Variants in TTC28 observed in about 807,000 individuals in gnomAD.
The protein encoded by TTC28 is tetratricopeptide repeat domain 28.
TTC28 carries 61 observed loss-of-function variants against 198.0 expected under a neutral mutation model. The ratio of observed to expected loss-of-function variants is 0.31; its 90% confidence interval spans 0.25 to 0.38. TTC28 has a LOEUF of 0.38. Among genes scored for constraint, TTC28 ranks in the 10% least tolerant of loss-of-function variants. TTC28 has a pLI of 1.00. For synonymous variants in TTC28, 1,171 were observed against 1,297.8 expected (o/e 0.90, Z 2.10); for missense variants, 2,678 against 3,164.0 (o/e 0.85, Z 3.69).
rs548321858 is a variant in TTC28, at chr22:28,095,172, T to G, written c.3767-927A>C. Among the ~76,000 whole-genome samples the G allele has an allele frequency of 2.0e-5, 3 of 152,288 alleles. No individual in the cohort carries two copies. The South Asian group carries it at 6.2e-4, about 32-fold the overall frequency. On this transcript the variant is annotated intron_variant, in intron 11 of 22. Coordinates refer to ENST00000397906, the MANE Select transcript of TTC28 (RefSeq NM_001145418.2). Reference sequence around the variant, plus strand: ...AGATTCCACTGTAGCCAACATTTATTAACCAAGTCACTGTAAAAATCACAA... The same window carrying G: ...AGATTCCACTGTAGCCAACATTTATGAACCAAGTCACTGTAAAAATCACAA...
intron 1 of TTC28, among the ~76,000 whole-genome samples, chr22:28,658,837 A>G (rs555769990): frequency 1.4e-4 from 22 of 152,280 alleles, no homozygotes; most frequent in African/African-American, 5.1e-4. Flanking sequence ...TCTCTACTAA[A>G]AATACAAAAA....
intron 6 of TTC28, among the ~76,000 whole-genome samples, chr22:28,125,551 A>G (rs1942893671): frequency 1.3e-5 from 2 of 152,226 alleles, no homozygotes; most frequent in Non-Finnish European, 1.5e-5. Context: ...CCAAAGGCAA[A>G]AGAACAAAGA....
intron 5 of TTC28, among the ~76,000 whole-genome samples, chr22:28,217,912 T>C (rs1207200465): frequency 6.6e-6 from 1 of 152,234 alleles, no homozygotes; most frequent in African/African-American, 2.4e-5. Context: ...GGCATCACTT[T>C]ACACTTTTTA....
intron 2 of TTC28, among the ~76,000 whole-genome samples, chr22:28,590,331 A>T (rs182753717): frequency 6.6e-6 from 1 of 151,898 alleles, no homozygotes; most frequent in Admixed American, 6.5e-5. Context: ...GGGTTTCACC[A>T]TGTTAGCCAG....
intron 1 of TTC28, among the ~76,000 whole-genome samples, chr22:28,645,908 T>G (rs765034030): frequency 1.1e-4 from 16 of 152,058 alleles, no homozygotes; most frequent in Non-Finnish European, 1.6e-4. Flanking sequence ...ATTGCAGGCA[T>G]GAAGAAACAT....
chr22:28,467,808 C>A (rs2146292543), intron 2 of TTC28, among the ~76,000 whole-genome samples: 1 of 152,290 alleles, frequency 6.6e-6, no homozygotes, highest in East Asian at 1.9e-4. Context: ...GTTGCACAGG[C>A]TGAAGTGCAG....
Position 28,030,214 on chromosome 22 carries a change from C to A in TTC28, c.4073+12G>T. ...CCCTGCACTGGGCCTGGGGAAAGCGCCCCACACTCACCTGTTAAACAGGTT... is the reference window on the plus strand; with the variant it reads ...CCCTGCACTGGGCCTGGGGAAAGCGACCCACACTCACCTGTTAAACAGGTT... On this transcript the variant is annotated intron_variant, in intron 13 of 22. Coordinates refer to ENST00000397906, the MANE Select transcript of TTC28 (RefSeq NM_001145418.2). 1 of 1,551,438 alleles carries A rather than the reference C, an allele frequency of 6.4e-7. No homozygotes were observed. The highest frequency in any genetic ancestry group is 1.2e-5 in the South Asian group (1 of 84,040).
In TTC28 at chr22:28,677,021, G is replaced by A. The variant is rs913878666; in HGVS notation, c.102+2601C>T. Among the ~76,000 whole-genome samples, 8 of 151,532 alleles carry A rather than the reference G, an allele frequency of 5.3e-5. No individual in the cohort carries two copies. In the South Asian group the frequency reaches 1.3e-3, roughly 24 times the overall value. ...AATACAAAAATTAGCCGGGCATGGC[G>A]GTGGGCACCTGTATTCCCAGCTACT... is the stretch of plus-strand genomic sequence containing the variant. On this transcript the variant is annotated intron_variant, in intron 1 of 22. Coordinates refer to ENST00000397906, the MANE Select transcript of TTC28 (RefSeq NM_001145418.2).
rs563377451 is a variant in TTC28, at chr22:28,214,395, G to A, written c.934-50796C>T. On this transcript the variant is annotated intron_variant, in intron 5 of 22. Coordinates refer to ENST00000397906, the MANE Select transcript of TTC28 (RefSeq NM_001145418.2). ...ACAATCTACTCATCTAACAAAGGGCGAATATCCAGAATCTACAAAGAACTT... is the reference window on the plus strand; with the variant it reads ...ACAATCTACTCATCTAACAAAGGGCAAATATCCAGAATCTACAAAGAACTT... Among the ~76,000 whole-genome samples the A allele has an allele frequency of 5.9e-5, 9 of 152,168 alleles. No homozygotes were observed. In the South Asian group the frequency reaches 1.5e-3, roughly 25 times the overall value.
At chr22:28,591,382 C>T (rs1185390040) in intron 2 of TTC28, among the ~76,000 whole-genome samples, 5 of 151,820 alleles carry the variant, frequency 3.3e-5, no homozygotes. Context: ...TTACATAGCG[C>T]TCTGCTGTCT....
chr22:28,287,247 C>T (rs543838898), intron 5 of TTC28, among the ~76,000 whole-genome samples: 26 of 152,224 alleles, frequency 1.7e-4, no homozygotes, highest in Non-Finnish European at 3.1e-4. Flanking sequence ...GCAGTACAGT[C>T]TGATGAATAT....
chr22:28,046,166 AAT>A lies in TTC28; in HGVS notation c.3933-15802_3933-15801del, dbSNP rs1252984449. ...AGTGAAAATGCCATAGGCTAGAAAA[AAT>A]AGTGTAGTAACTTCATCTACTTTCT... is the stretch of plus-strand genomic sequence containing the variant. On this transcript the variant is annotated intron_variant, in intron 12 of 22. Coordinates refer to ENST00000397906, the MANE Select transcript of TTC28 (RefSeq NM_001145418.2). Among the ~76,000 whole-genome samples the A allele has an allele frequency of 2.6e-5, 4 of 152,364 alleles. No individual in the cohort carries two copies. In the East Asian group the frequency reaches 7.7e-4, roughly 29 times the overall value.
At chr22:28,094,851 G>A (rs1432215684) in intron 11 of TTC28, among the ~76,000 whole-genome samples, 1 of 152,188 alleles carries the variant, frequency 6.6e-6, no homozygotes, top group African/African-American at 2.4e-5. Context: ...GCGATAAATA[G>A]GATATATTCT....
At chr22:28,359,703 G>T (rs1239854659) in intron 2 of TTC28, among the ~76,000 whole-genome samples, 1 of 152,136 alleles carries the variant, frequency 6.6e-6, no homozygotes, top group Admixed American at 6.5e-5. Flanking sequence ...TGCCAAGCAG[G>T]TGCATGTTGG....
chr22:27,993,143 T>C, intron 18 of TTC28, 144 bp downstream of exon 18: 1 of 723,370 alleles, frequency 1.4e-6, no homozygotes, highest in South Asian at 1.9e-5. Flanking sequence ...TGCTTGTATC[T>C]GGGACCCCCT....
chr22:28,272,333 A>G (rs936074689), intron 5 of TTC28, among the ~76,000 whole-genome samples: 1 of 152,224 alleles, frequency 6.6e-6, no homozygotes, highest in African/African-American at 2.4e-5. Flanking sequence ...TCGGGAAGTG[A>G]GTAGAAGATA....
At chr22:28,083,068 T>C (rs1046678048) in intron 12 of TTC28, among the ~76,000 whole-genome samples, 1 of 151,782 alleles carries the variant, frequency 6.6e-6, no homozygotes, top group African/African-American at 2.4e-5. Flanking sequence ...TGGATGATGA[T>C]TCATTTTTTT....
chr22:28,404,079 A>G (rs1255173102), intron 2 of TTC28, among the ~76,000 whole-genome samples: 1 of 152,198 alleles, frequency 6.6e-6, no homozygotes, highest in East Asian at 1.9e-4. Context: ...CATCCTAAAT[A>G]TTAATTTAAA....
At chr22:28,023,686 G>A (rs1180705527) in intron 13 of TTC28, among the ~76,000 whole-genome samples, 5 of 152,188 alleles carry the variant, frequency 3.3e-5, no homozygotes, top group Non-Finnish European at 7.3e-5. Flanking sequence ...GCCTCAGGAG[G>A]TAGTAAGCTC....
Sources: gnomAD v4.1 joint callset for allele counts (sites outside exome capture counted in the v4.1 genomes callset) on GRCh38, gnomAD v4.1.1 for gene constraint, MANE v1.5 for transcripts, NCBI Gene and HGNC (gene_info 2026-07-23, HGNC 2026-07-21) for gene names.